Variants in METTL15 observed in about 807,000 individuals in gnomAD.
METTL15 encodes the protein methyltransferase 15, mitochondrial 12S rRNA N4-cytidine.
METTL15 carries 34 observed loss-of-function variants against 38.3 expected under a neutral mutation model. The ratio of observed to expected loss-of-function variants is 0.89; its 90% confidence interval spans 0.68 to 1.18. The LOEUF (loss-of-function observed/expected upper bound fraction) is 1.18, where lower values mean the gene tolerates loss of function less well. Among genes scored for constraint, METTL15 ranks in the 50% most tolerant of loss-of-function variants. METTL15 has a pLI of 0.00. For synonymous variants in METTL15, 162 were observed against 170.9 expected, an observed-to-expected ratio of 0.95 and a Z score of 0.41; for missense variants, 438 against 498.4, an observed-to-expected ratio of 0.88 and a Z score of 1.15.
At chr11:28,399,385 A>C (rs960950293) in intron 5 of METTL15, among the ~76,000 whole-genome samples, 1 of 151,990 alleles carries the variant, frequency 6.6e-6, no homozygotes, top group African/African-American at 2.4e-5. Context: ...AGGGAATTTC[A>C]TTCTCTTTTA....
chr11:28,325,757 G>A (rs1007070711), intron 6 of METTL15, among the ~76,000 whole-genome samples: 43 of 152,298 alleles, frequency 2.8e-4, no homozygotes, highest in African/African-American at 9.9e-4. Flanking sequence ...TGACTGTGAT[G>A]TACAGTCAGA....
chr11:28,515,681 T>C (rs1227054795), intron 6 of METTL15, among the ~76,000 whole-genome samples: 1 of 152,238 alleles, frequency 6.6e-6, no homozygotes, highest in Non-Finnish European at 1.5e-5. Context: ...ATAAAGTATT[T>C]ATTACCTAGA....
At chr11:28,410,451 G>T (rs1850714783) in intron 5 of METTL15, among the ~76,000 whole-genome samples, 1 of 152,062 alleles carries the variant, frequency 6.6e-6, no homozygotes, top group African/African-American at 2.4e-5. Flanking sequence ...ATCCCTGCCT[G>T]CAAGACTGAT....
At chr11:28,231,087 C>T (rs1005627852) in intron 4 of METTL15, among the ~76,000 whole-genome samples, 4 of 151,812 alleles carry the variant, frequency 2.6e-5, no homozygotes, top group Admixed American at 1.3e-4. Context: ...AGCATTGTTA[C>T]TCATTTAATT....
chr11:28,200,130 T>C (rs57202579), intron 3 of METTL15, among the ~76,000 whole-genome samples: 43,422 of 152,044 alleles, frequency 0.29, 7,017 homozygotes, highest in African/African-American at 0.43. Flanking sequence ...ATTTCACTTC[T>C]CTACTCACCA....
chr11:28,170,877 C>T (rs1274383422), intron 3 of METTL15, among the ~76,000 whole-genome samples: 1 of 152,172 alleles, frequency 6.6e-6, no homozygotes, highest in African/African-American at 2.4e-5. Flanking sequence ...GACCTCCTGT[C>T]TCATCCTGTG....
At chr11:28,466,568 CTA>C (rs1564939328) in intron 6 of METTL15, among the ~76,000 whole-genome samples, 1 of 152,170 alleles carries the variant, frequency 6.6e-6, no homozygotes, top group Non-Finnish European at 1.5e-5. Context: ...TCTCCAGTAA[CTA>C]TGTAATTCTG....
chr11:28,238,879 T>G (rs1854154840), intron 4 of METTL15, among the ~76,000 whole-genome samples: 1 of 152,192 alleles, frequency 6.6e-6, no homozygotes, highest in Non-Finnish European at 1.5e-5. Context: ...TAGTTCTGAT[T>G]TTTCTTAGAT....
intron 4 of METTL15, among the ~76,000 whole-genome samples, chr11:28,218,235 G>C (rs2133855809): frequency 6.6e-6 from 1 of 152,158 alleles, no homozygotes; most frequent in South Asian, 2.1e-4. Flanking sequence ...TTATTTCCTT[G>C]AGCCGTGGTT....
intron 6 of METTL15, among the ~76,000 whole-genome samples, chr11:28,435,142 A>G (rs144843467): frequency 7.2e-5 from 11 of 152,272 alleles, no homozygotes; most frequent in African/African-American, 2.6e-4. Flanking sequence ...CACGTGAAAT[A>G]CATTCCTCCT....
intron 6 of METTL15, among the ~76,000 whole-genome samples, chr11:28,301,625 C>T (rs1359964304): frequency 2.0e-5 from 3 of 151,992 alleles, no homozygotes; most frequent in Non-Finnish European, 4.4e-5. Flanking sequence ...TATAATATTA[C>T]AAAAATAATT....
chr11:28,221,182 T>C (rs1853198435), intron 4 of METTL15, among the ~76,000 whole-genome samples: 1 of 152,214 alleles, frequency 6.6e-6, no homozygotes, highest in South Asian at 2.1e-4. Flanking sequence ...ATTCTCCCCA[T>C]CACTTTCAGG....
intron 6 of METTL15, among the ~76,000 whole-genome samples, chr11:28,300,665 G>C (rs1856882154): frequency 2.6e-5 from 4 of 152,108 alleles, no homozygotes; most frequent in Admixed American, 6.6e-5. Context: ...GGATTTCACT[G>C]TTCTTACTAC....
At chr11:28,379,950 A>G (rs1265755465) in intron 5 of METTL15, among the ~76,000 whole-genome samples, 1 of 152,106 alleles carries the variant, frequency 6.6e-6, no homozygotes, top group Non-Finnish European at 1.5e-5. Context: ...TGGCTTTTTC[A>G]TTATATAGCA....
intron 2 of METTL15, 77 bp downstream of exon 2, chr11:28,110,478 C>G (rs1292033225): frequency 1.3e-5 from 2 of 152,240 alleles, no homozygotes; most frequent in Admixed American, 6.5e-5. Context: ...ACAGGGGTCG[C>G]TGGATTCGTC....
chr11:28,140,054 A>C (rs1279900446), intron 3 of METTL15, among the ~76,000 whole-genome samples: 2 of 152,128 alleles, frequency 1.3e-5, no homozygotes, highest in Non-Finnish European at 2.9e-5. Flanking sequence ...AGACATGTCC[A>C]TACACCCTAG....
At chr11:28,456,298 A>G (rs1851168095) in intron 6 of METTL15, among the ~76,000 whole-genome samples, 1 of 152,082 alleles carries the variant, frequency 6.6e-6, no homozygotes, top group Non-Finnish European at 1.5e-5. Context: ...ATTGACTGCC[A>G]TGTCCCACTG....
intron 5 of METTL15, among the ~76,000 whole-genome samples, chr11:28,367,057 G>A (rs904313828): frequency 6.6e-6 from 1 of 152,134 alleles, no homozygotes; most frequent in Non-Finnish European, 1.5e-5. Context: ...TCCAAATTGT[G>A]GCTTCTGTCT....
chr11:28,162,056 A>G (rs1280505290), intron 3 of METTL15, among the ~76,000 whole-genome samples: 2 of 152,150 alleles, frequency 1.3e-5, no homozygotes, highest in Admixed American at 6.5e-5. Flanking sequence ...ATTTTTTCAC[A>G]TATTTCTCTC....
Sources: gnomAD v4.1 joint callset for allele counts (sites outside exome capture counted in the v4.1 genomes callset) on GRCh38, gnomAD v4.1.1 for gene constraint, MANE v1.5 for transcripts, NCBI Gene and HGNC (gene_info 2026-07-23, HGNC 2026-07-21) for gene names.